Variants in HERC5 observed in about 807,000 individuals in gnomAD.
HERC5 encodes E3 ISG15--protein ligase HERC5.
HERC5 carries 99 observed loss-of-function variants against 119.6 expected under a neutral mutation model. The ratio of observed to expected loss-of-function variants is 0.83; its 90% CI spans 0.70 to 0.98. The LOEUF (loss-of-function observed/expected upper bound fraction) is 0.98, where lower values mean the gene tolerates loss of function less well. Among genes scored for constraint, HERC5 ranks in the 50% least tolerant of loss-of-function variants. The pLI is 0.00. For synonymous variants in HERC5, 478 were observed against 445.9 expected (o/e 1.07, Z -0.91); for missense variants, 1,267 against 1,241.3 (o/e 1.02, Z -0.31).
At chr4:88,458,129 C>T in intron 1 of HERC5, 1 of 953,042 alleles carries the variant, frequency 1.0e-6, no homozygotes, top group Non-Finnish European at 1.2e-6. Context: ...TTATCTTTGC[C>T]TGGCTTTTAG....
chr4:88,466,648 T>G (rs1016965419), intron 6 of HERC5, among the ~76,000 whole-genome samples: 2 of 152,188 alleles, frequency 1.3e-5, no homozygotes, highest in African/African-American at 2.4e-5. Context: ...TAGTGGAATA[T>G]ACAAACCAGC....
intron 3 of HERC5, 24 bp from the exon 4 acceptor site, chr4:88,462,111 A>G (rs1740463241): frequency 6.3e-7 from 1 of 1,596,334 alleles, no homozygotes; most frequent in Non-Finnish European, 8.6e-7. Flanking sequence ...GGAATAAAAC[A>G]GCATTTGCTT....
intron 11 of HERC5, among the ~76,000 whole-genome samples, chr4:88,474,581 T>C (rs571125518): frequency 5.9e-5 from 9 of 152,196 alleles, no homozygotes; most frequent in Admixed American, 3.9e-4. Context: ...TCCAATATAA[T>C]GTTTTAATAT....
chr4:88,464,097 G>A (rs1480062469), intron 6 of HERC5, 112 bp downstream of exon 6: 1 of 763,334 alleles, frequency 1.3e-6, no homozygotes, highest in African/African-American at 1.8e-5. Flanking sequence ...TTTCAAATCA[G>A]TGAAAATGCT....
At position 88,492,247 on chromosome 4, in the gene HERC5, G is replaced by A. The variant is rs1478897941; in HGVS notation, c.2134-765G>A. 3.3e-5 allele frequency among the ~76,000 whole-genome samples: 5 copies of A among 151,486 alleles called. 1 individual carries two copies. In the South Asian group the frequency reaches 8.4e-4, roughly 25 times the overall value. On this transcript the variant is annotated intron_variant, in intron 16 of 22. Coordinates refer to ENST00000264350, the MANE Select transcript of HERC5 (RefSeq NM_016323.4). Reference sequence around the variant, plus strand: ...ACGAACTCCTGACCTCACATGATCCGCCCACCTCGGCCTCCCAAAGTGCTG... The same window carrying A: ...ACGAACTCCTGACCTCACATGATCCACCCACCTCGGCCTCCCAAAGTGCTG...
At chr4:88,473,879 A>G (rs543192211) in intron 11 of HERC5, 1 of 152,336 alleles carries the variant, frequency 6.6e-6, no homozygotes, top group Non-Finnish European at 1.5e-5. Context: ...GTGCCACAAA[A>G]AGAACATATG....
Position 88,504,535 on chromosome 4 carries a change from C to A in HERC5, c.2807C>A (p.Thr936Asn). 2 of 1,577,068 alleles carry A rather than the reference C, an allele frequency of 1.3e-6. No homozygotes were observed. Among genetic ancestry groups the A allele is most frequent in the Non-Finnish European group, 1.7e-6 (2 of 1,164,864 alleles). ...YEPGYNSSHP[T>N]IVMFWKAFHK... ...CCAGGATATAACAGTTCACATCCCA[C>A]CATAGTGATGTTTTGGAAGGCTTTC... The change falls in exon 22 of 23, where the codon ACC (threonine) becomes AAC (asparagine). Residue 936 changes from threonine to asparagine, a missense_variant. Transcript: ENST00000264350.
intron 4 of HERC5, 126 bp from the exon 5 acceptor site, chr4:88,463,406 G>C: frequency 1.6e-6 from 1 of 635,204 alleles, no homozygotes; most frequent in South Asian, 1.9e-5. Flanking sequence ...TGGCAACATA[G>C]AGCCTTTCTT....
chr4:88,489,397 T>C (rs111485718), intron 16 of HERC5, 61 bp downstream of exon 16: 1 of 1,437,358 alleles, frequency 7.0e-7, no homozygotes, highest in Non-Finnish European at 9.5e-7. Context: ...TAAAAGAATG[T>C]GGCAAAGGGT....
At chr4:88,491,219 G>T (rs752306776) in intron 16 of HERC5, among the ~76,000 whole-genome samples, 5 of 152,160 alleles carry the variant, frequency 3.3e-5, no homozygotes, top group Non-Finnish European at 5.9e-5. Context: ...CAAGAGGAAT[G>T]GAAGAGGCAG....
chr4:88,488,339 C>A (rs1741533657), intron 15 of HERC5, among the ~76,000 whole-genome samples: 1 of 150,820 alleles, frequency 6.6e-6, no homozygotes, highest in Non-Finnish European at 1.5e-5. Flanking sequence ...TCAAGCGATT[C>A]TCCTGACTCA....
At position 88,459,443 on chromosome 4, in the gene HERC5, A is replaced by G. The variant is rs550535705; in HGVS notation, c.362A>G (p.Tyr121Cys). ...TCATCAGATGGAAAACCATTTGAGT[A>G]TGACAACTATAGCATGAAACATCTA... is the stretch of plus-strand genomic sequence containing the variant. ...ILSSDGKPFE[Y>C]DNYSMKHLRF... The change falls in exon 2 of 23, where the codon TAT becomes TGT. Residue 121 changes from tyrosine to cysteine, a missense_variant. By Grantham distance (194) the Tyr-to-Cys change is radical. Around this residue, in one of 3 missense-constraint regions of HERC5, gnomAD observed 777 missense variants for 758.0 expected, o/e 1.03. Transcript: ENST00000264350. The G allele has an allele frequency of 5.7e-6, 9 of 1,583,164 alleles. 1 individual carries two copies. The highest frequency in any genetic ancestry group is 3.5e-5 in the South Asian group (3 of 85,226).
At chr4:88,471,171 T>C (rs191446690) in intron 10 of HERC5, among the ~76,000 whole-genome samples, 399 of 152,132 alleles carry the variant, frequency 2.6e-3, no homozygotes, top group Middle Eastern at 0.01. Context: ...AGTTTTACCA[T>C]GTTGGCCAGG....
chr4:88,483,505 A>G (rs1317640376), intron 13 of HERC5, among the ~76,000 whole-genome samples: 1 of 139,088 alleles, frequency 7.2e-6, no homozygotes, highest in Non-Finnish European at 1.5e-5. Flanking sequence ...AAGCCACCAC[A>G]CCGGCTCTAT....
chr4:88,490,118 T>C (rs889751510), intron 16 of HERC5, among the ~76,000 whole-genome samples: 2 of 152,236 alleles, frequency 1.3e-5, no homozygotes, highest in African/African-American at 4.8e-5. Flanking sequence ...GTTCGGAAGA[T>C]CTTTAACTGA....
chr4:88,481,648 A>G (rs1741280563), intron 13 of HERC5, among the ~76,000 whole-genome samples: 1 of 152,208 alleles, frequency 6.6e-6, no homozygotes, highest in Non-Finnish European at 1.5e-5. Flanking sequence ...CCAGATAGTA[A>G]ATATTTTAGG....
Position 88,462,306 on chromosome 4 carries a change from A to G in HERC5, c.638A>G (p.Tyr213Cys), listed in dbSNP as rs1250945301. ...GCCTTATCCATGTCTGGCAACATTTATTCATGGGGAAAAAATGAATGTGGA... is the reference window on the plus strand; with the variant it reads ...GCCTTATCCATGTCTGGCAACATTTGTTCATGGGGAAAAAATGAATGTGGA... ...SMALSMSGNI[Y>C]SWGKNECGQL... Residue 213 changes from tyrosine to cysteine, a missense_variant, in exon 4 of 23, where the codon TAT (tyrosine) becomes TGT (cysteine). Coordinates refer to ENST00000264350, the MANE Select transcript of HERC5 (RefSeq NM_016323.4). The G allele has an allele frequency of 1.2e-6, 2 of 1,614,084 alleles. No homozygotes were observed. Among genetic ancestry groups the G allele is most frequent in the Non-Finnish European group, 1.7e-6 (2 of 1,180,052 alleles).
intron 2 of HERC5, 44 bp downstream of exon 2, chr4:88,459,514 AGAC>A (rs756624869): frequency 1.7e-6 from 2 of 1,188,684 alleles, no homozygotes; most frequent in Non-Finnish European, 2.3e-6. Flanking sequence ...TTTAATCAAA[AGAC>A]AATAATAATT....
Position 88,499,969 on chromosome 4 carries a change from G to A in HERC5, c.2488G>A (p.Glu830Lys). ...GGATGATGAAGGTGATAACTTTGAG[G>A]AAGTATTTTACATCCATTTTAATGT... ...LLDDEGDNFE[E>K]VFYIHFNVHW... is the part of the protein sequence containing the mutation. The change falls in exon 19 of 23, where the codon GAA becomes AAA. Residue 830 changes from glutamate (E) to lysine (K), a missense_variant. Physicochemically the swap from Glu to Lys is moderately conservative, Grantham distance 56 (BLOSUM62 1). Transcript: ENST00000264350. 2 of 1,606,012 alleles carry A rather than the reference G, an allele frequency of 1.2e-6. No homozygotes were observed. The highest frequency in any genetic ancestry group is 1.7e-6 in the Non-Finnish European group (2 of 1,173,016).
Sources: allele counts gnomAD v4.1 joint callset (sites outside exome capture counted in the v4.1 genomes callset), GRCh38; gene constraint gnomAD v4.1.1; regional missense constraint gnomAD v4.1.1; transcripts MANE v1.5; gene names NCBI Gene and HGNC (gene_info 2026-07-23, HGNC 2026-07-21).